The following PRKCE variants were observed in gnomAD, a reference collection of about 807,000 sequenced individuals.
The protein encoded by PRKCE is protein kinase C epsilon, also known as protein kinase C epsilon type.
In PRKCE, 16 loss-of-function variants were observed where a neutral mutation model predicts 85.4. That is an observed-to-expected ratio of 0.19 (90% CI 0.13 to 0.28). PRKCE has a LOEUF of 0.28. Among genes scored for constraint, PRKCE ranks in the 10% least tolerant of loss-of-function variants. PRKCE has a pLI of 1.00. For missense variants in PRKCE, 573 were observed against 975.2 expected (o/e 0.59, Z 5.49); for synonymous variants, 388 against 371.5 (o/e 1.04, Z -0.51).
Position 46,004,282 on chromosome 2 carries a change from G to C in PRKCE, c.967-260G>C, listed in dbSNP as rs1277169270. On this transcript the variant is annotated intron_variant, in intron 7 of 14. Coordinates refer to ENST00000306156, the MANE Select transcript of PRKCE (RefSeq NM_005400.3). This position sits in a 1 kb window ranked among gnomAD's most constrained non-coding sequence, Gnocchi z 4.1. The stretch of plus-strand genomic sequence containing the variant: ...CTCTGTCTCAGCTCTTTGGAATGAG[G>C]GGAAGACATCATCCTTCTGTGAATG... 2 of 422,024 alleles carry C rather than the reference G, an allele frequency of 4.7e-6. No individual in the cohort carries two copies. Among genetic ancestry groups the C allele is most frequent in the Non-Finnish European group, 9.0e-6 (2 of 223,120 alleles). 26.1% of individuals were successfully genotyped at this position (422,024 alleles called of 1,614,324 possible).
At chr2:45,874,776 G>A (rs1207396488) in intron 2 of PRKCE, among the ~76,000 whole-genome samples, 1 of 152,152 alleles carries the variant, frequency 6.6e-6, no homozygotes, top group East Asian at 1.9e-4. Flanking sequence ...CTTGCTTCCT[G>A]CTTCCTGCTT....
intron 1 of PRKCE, among the ~76,000 whole-genome samples, chr2:45,657,358 G>A (rs185196073): frequency 4.6e-5 from 7 of 152,206 alleles, no homozygotes; most frequent in East Asian, 1.9e-4. Flanking sequence ...TTAACCTTCC[G>A]TATTTCCATT....
chr2:46,162,385 T>G (rs1219255064), intron 14 of PRKCE, among the ~76,000 whole-genome samples: 1 of 152,120 alleles, frequency 6.6e-6, no homozygotes, highest in Non-Finnish European at 1.5e-5. Context: ...AGAGAAAGGA[T>G]GGGGCTGTCC....
chr2:46,054,664 CG>C (rs777921275), intron 10 of PRKCE, among the ~76,000 whole-genome samples: 1 of 152,300 alleles, frequency 6.6e-6, no homozygotes. Context: ...CAGGGAAATT[CG>C]GGGCAGAAGA....
intron 6 of PRKCE, among the ~76,000 whole-genome samples, chr2:45,989,860 G>A (rs1202448837): frequency 1.3e-5 from 2 of 152,154 alleles, no homozygotes; most frequent in African/African-American, 4.8e-5. Flanking sequence ...AAGCAAGACT[G>A]AAGTTAGATA....
chr2:45,718,585 GCCCACCTCGGCCTCC>G (rs1415141158), intron 1 of PRKCE, among the ~76,000 whole-genome samples: 1 of 151,946 alleles, frequency 6.6e-6, no homozygotes, highest in Non-Finnish European at 1.5e-5. Context: ...CTAGTGATCG[GCCCACCTCGGCCTCC>G]CAAAGTGCTG....
At chr2:45,832,313 C>CTTTT (rs10692501) in intron 1 of PRKCE, among the ~76,000 whole-genome samples, 23 of 137,934 alleles carry the variant, frequency 1.7e-4, no homozygotes, top group South Asian at 2.3e-4. Flanking sequence ...CAAGGAGCAA[C>CTTTT]TTTTTTTTTT....
intron 9 of PRKCE, 138 bp from the exon 10 acceptor site, chr2:46,010,206 C>A: frequency 1.0e-6 from 1 of 965,810 alleles, no homozygotes; most frequent in Non-Finnish European, 1.4e-6. Context: ...TGGGTGCATG[C>A]CACCACACCA....
chr2:46,172,444 C>A (rs1165970616), intron 14 of PRKCE, among the ~76,000 whole-genome samples: 2 of 152,158 alleles, frequency 1.3e-5, no homozygotes, highest in South Asian at 4.1e-4. Flanking sequence ...CAACGTGTCA[C>A]AGCCAAAGGA....
chr2:45,755,204 C>T (rs940251087), intron 1 of PRKCE, among the ~76,000 whole-genome samples: 1 of 152,168 alleles, frequency 6.6e-6, no homozygotes, highest in Non-Finnish European at 1.5e-5. Flanking sequence ...TCGCCAACCA[C>T]GTTGTATAAT....
chr2:45,976,716 C>T (rs1259946110), intron 3 of PRKCE, 128 bp downstream of exon 3: 5 of 1,135,678 alleles, frequency 4.4e-6, no homozygotes, highest in Non-Finnish European at 5.0e-6. Flanking sequence ...TATCTGAATG[C>T]AGGGGACTAT....
intron 10 of PRKCE, among the ~76,000 whole-genome samples, chr2:46,055,569 A>C (rs1666498007): frequency 6.6e-6 from 1 of 152,222 alleles, no homozygotes; most frequent in African/African-American, 2.4e-5. Flanking sequence ...CCCCTACCAG[A>C]TAGAAAATTC....
chr2:45,967,105 C>A (rs1701784567), intron 2 of PRKCE, among the ~76,000 whole-genome samples: 1 of 152,136 alleles, frequency 6.6e-6, no homozygotes, highest in African/African-American at 2.4e-5. Context: ...CCAAGAAAGT[C>A]CTGATTTGTA....
At chr2:46,022,746 G>T (rs1706771114) in intron 10 of PRKCE, among the ~76,000 whole-genome samples, 1 of 152,348 alleles carries the variant, frequency 6.6e-6, no homozygotes, top group Non-Finnish European at 1.5e-5. Context: ...CTAGCACACA[G>T]AAGGTTCAAT....
chr2:46,074,277 A>C (rs1019678201), intron 10 of PRKCE, among the ~76,000 whole-genome samples: 3 of 152,130 alleles, frequency 2.0e-5, no homozygotes, highest in African/African-American at 4.8e-5. Flanking sequence ...TTTTATATAC[A>C]TGAGATTGAA....
chr2:46,092,023 C>T (rs561565414), intron 11 of PRKCE, among the ~76,000 whole-genome samples: 47 of 152,132 alleles, frequency 3.1e-4, no homozygotes, highest in Non-Finnish European at 6.0e-4. Flanking sequence ...CATAACTACC[C>T]AGGGGTAAAC....
In PRKCE at chr2:45,651,908, C is replaced by G. The variant is rs1675143621; in HGVS notation, c.-193C>G. On this transcript the variant is annotated 5_prime_UTR_variant, in exon 1 of 15. Coordinates refer to ENST00000306156, the MANE Select transcript of PRKCE (RefSeq NM_005400.3). ...CCCCTCCCTGTTTTCCGTTAGGAAC[C>G]CGGCGAGGAAATACATGCACTGGCT... The G allele has an allele frequency of 2.0e-6, 1 of 503,636 alleles. No homozygotes were observed. 31.2% of individuals were successfully genotyped at this position (503,636 alleles called of 1,614,324 possible).
At chr2:45,871,610 G>A (rs1694093598) in intron 2 of PRKCE, among the ~76,000 whole-genome samples, 2 of 152,158 alleles carry the variant, frequency 1.3e-5, no homozygotes, top group South Asian at 4.1e-4. Context: ...AGATTAAATG[G>A]GATTCAGGTA....
intron 1 of PRKCE, among the ~76,000 whole-genome samples, chr2:45,802,869 A>G (rs560979735): frequency 6.6e-4 from 100 of 152,272 alleles, no homozygotes; most frequent in African/African-American, 2.2e-3. Flanking sequence ...ATTTTCTAGG[A>G]CCATCTTGAT....
Sources: gnomAD v4.1 joint callset for allele counts (sites outside exome capture counted in the v4.1 genomes callset) on GRCh38, gnomAD v4.1.1 for gene constraint, Gnocchi (gnomAD v3.1) non-coding constraint, MANE v1.5 for transcripts, NCBI Gene and HGNC (gene_info 2026-07-23, HGNC 2026-07-21) for gene names.